JPH3: variants seen among roughly 807,000 people sequenced by gnomAD.
The protein encoded by JPH3 is junctophilin-3.
JPH3 carries 11 observed loss-of-function variants against 59.6 expected under a neutral mutation model. The observed-to-expected ratio is 0.18, with a 90% confidence interval of 0.12 to 0.31. The LOEUF (loss-of-function observed/expected upper bound fraction) is 0.31. JPH3 is among the 10% of genes least tolerant of loss of function. The pLI is 1.00. For synonymous variants in JPH3, 673 were observed against 483.6 expected (o/e 1.39, Z -5.14); for missense variants, 1,202 against 1,105.7 (o/e 1.09, Z -1.24).
At chr16:87,624,701 G>A (rs975733340) in intron 1 of JPH3, among the ~76,000 whole-genome samples, 2 of 152,234 alleles carry the variant, frequency 1.3e-5, no homozygotes, top group African/African-American at 4.8e-5. Flanking sequence ...TTTCCTCCTG[G>A]GTGGAGATTG....
At chr16:87,667,589 C>T (rs2032903591) in intron 2 of JPH3, among the ~76,000 whole-genome samples, 1 of 152,164 alleles carries the variant, frequency 6.6e-6, no homozygotes, top group Non-Finnish European at 1.5e-5. Flanking sequence ...CAGGGCCTGG[C>T]ATTGGGACAC....
At position 87,611,496 on chromosome 16, in the gene JPH3, C is replaced by T. The variant is rs2030731458; in HGVS notation, c.382+7968C>T. 6.6e-6 allele frequency among the ~76,000 whole-genome samples: 1 copy of T among 152,134 alleles called. No homozygotes were observed. Among genetic ancestry groups the T allele is most frequent in the Non-Finnish European group, 1.5e-5 (1 of 68,026 alleles). ...ACATTTTTTTCCTTCTCAACATGTGCCATCTCCCTCCTACCTATGAATGTC... is the reference window on the plus strand; with the variant it reads ...ACATTTTTTTCCTTCTCAACATGTGTCATCTCCCTCCTACCTATGAATGTC... On this transcript the variant is annotated intron_variant, in intron 1 of 4. Coordinates refer to ENST00000284262, the MANE Select transcript of JPH3 (RefSeq NM_020655.4). The surrounding 1 kb of genome is among the most constrained non-coding windows in gnomAD (Gnocchi z 4.5).
At position 87,689,667 on chromosome 16, in the gene JPH3, A is replaced by G; in HGVS notation, c.1307A>G (p.Lys436Arg). The change falls in exon 4 of 5, where the codon AAG becomes AGG. Residue 436 changes from lysine to arginine, a missense_variant. Lys to Arg is a conservative substitution (Grantham distance 26, BLOSUM62 2). Transcript: ENST00000284262. Reference protein sequence around the residue: ...RENGLEYQRPKRQTSCDDIEV... With the variant: ...RENGLEYQRPRRQTSCDDIEV... ...ACAGGGCTGGAGTACCAGAGGCCGA[A>G]GCGTCAGACCTCCTGTGACGACATC... 1.2e-6 allele frequency: 2 copies of G among 1,612,176 alleles called. No individual in the cohort carries two copies. Among genetic ancestry groups the G allele is most frequent in the Admixed American group, 3.3e-5 (2 of 59,950 alleles).
intron 4 of JPH3, chr16:87,693,693 A>T (rs1472840861): frequency 6.6e-6 from 1 of 152,364 alleles, no homozygotes; most frequent in African/African-American, 2.4e-5. Context: ...TTCTCAAGCC[A>T]GTGTCTCTAG....
chr16:87,688,914 AGCTCCGGAGAAGTCTCGGG>A (rs2033485204), intron 3 of JPH3, among the ~76,000 whole-genome samples: 2 of 152,144 alleles, frequency 1.3e-5, no homozygotes, highest in Non-Finnish European at 2.9e-5. Context: ...GGGCTCACGG[AGCTCCGGAGAAGTCTCGGG>A]GCTAGTCCTA....
chr16:87,638,139 C>A (rs1256442038), intron 1 of JPH3, among the ~76,000 whole-genome samples: 2 of 152,114 alleles, frequency 1.3e-5, no homozygotes, highest in East Asian at 3.9e-4. Flanking sequence ...AGGCTGGTCT[C>A]GAACTCCTGA....
rs114202008 is a variant in JPH3 at position 87,693,292 on chromosome 16, C to T, written c.2166+2766C>T. 2.2e-3 allele frequency among the ~76,000 whole-genome samples: 338 copies of T among 152,334 alleles called. 1 individual carries two copies. The highest frequency in any genetic ancestry group is 7.6e-3 in the African/African-American group (317 of 41,572). The stretch of plus-strand genomic sequence containing the variant: ...AGGCAGCACCTCACCCTCTGAGGAC[C>T]CTCCTCTCTGAGCTGCATCCCAAGG... On this transcript the variant is annotated intron_variant, in intron 4 of 4. Coordinates refer to ENST00000284262, the MANE Select transcript of JPH3 (RefSeq NM_020655.4).
chr16:87,642,649 C>T (rs2031992512), intron 1 of JPH3, among the ~76,000 whole-genome samples: 1 of 152,218 alleles, frequency 6.6e-6, no homozygotes, highest in Non-Finnish European at 1.5e-5. Context: ...CACATCCACG[C>T]CGTTAGTGCC....
intron 2 of JPH3, among the ~76,000 whole-genome samples, chr16:87,658,774 C>T (rs983648525): frequency 2.0e-5 from 3 of 152,248 alleles, no homozygotes; most frequent in Non-Finnish European, 2.9e-5. Context: ...AGCCACCCCT[C>T]ACCTGGGGCC....
chr16:87,671,897 A>T (rs1401607028), intron 2 of JPH3, among the ~76,000 whole-genome samples: 2 of 152,154 alleles, frequency 1.3e-5, no homozygotes, highest in Non-Finnish European at 2.9e-5. Flanking sequence ...GCGAACTGGG[A>T]GATTGTTCAT....
intron 1 of JPH3, among the ~76,000 whole-genome samples, chr16:87,642,948 T>C (rs1258148290): frequency 6.6e-6 from 1 of 152,212 alleles, no homozygotes; most frequent in Non-Finnish European, 1.5e-5. Context: ...AATTCAGTGG[T>C]ATTAATTACC....
chr16:87,668,836 G>A (rs1271400080), intron 2 of JPH3, among the ~76,000 whole-genome samples: 3 of 152,144 alleles, frequency 2.0e-5, no homozygotes, highest in Admixed American at 1.3e-4. Context: ...GGATGTCCCT[G>A]TGGAGCCCTA....
Position 87,644,422 on chromosome 16 carries a change from C to G in JPH3, c.547C>G (p.Pro183Ala), listed in dbSNP as rs751939871. 4.2e-5 allele frequency: 68 copies of G among 1,611,898 alleles called. No homozygotes were observed. Among genetic ancestry groups the G allele is most frequent in the Non-Finnish European group, 5.3e-5 (63 of 1,179,366 alleles). ...CACGGCGCTGCATCCCGACGCCTCT[C>G]CGGCGGTGGCCGGCAGCCCGGCCGT... ...NGTALHPDAS[P>A]AVAGSPAVSR... Residue 183 changes from proline to alanine, a missense_variant, in exon 2 of 5, where the codon CCG (proline) becomes GCG (alanine). Transcript: ENST00000284262.
chr16:87,608,367 A>G (rs1174964340), intron 1 of JPH3, among the ~76,000 whole-genome samples: 2 of 152,242 alleles, frequency 1.3e-5, no homozygotes, highest in East Asian at 3.8e-4. Context: ...TTAGATGACA[A>G]AAAGACTTGT....
At chr16:87,640,026 C>T (rs1029302748) in intron 1 of JPH3, among the ~76,000 whole-genome samples, 1 of 152,166 alleles carries the variant, frequency 6.6e-6, no homozygotes, top group Admixed American at 6.5e-5. Context: ...CTCCACTTTG[C>T]GGGGGCAGCC....
intron 2 of JPH3, among the ~76,000 whole-genome samples, chr16:87,677,225 C>CACACACACACACACAA (rs1271128667): frequency 1.2e-5 from 1 of 81,642 alleles, no homozygotes; most frequent in African/African-American, 4.3e-5. Flanking sequence ...CACACACACA[C>CACACACACACACACAA]AAAAAAAAAA....
chr16:87,654,577 A>G (rs764686572), intron 2 of JPH3: 1 of 152,342 alleles, frequency 6.6e-6, no homozygotes, highest in African/African-American at 2.4e-5. Flanking sequence ...ACAATCTGCT[A>G]GACTCTGCTT....
chr16:87,664,661 G>A (rs1044077655), intron 2 of JPH3, among the ~76,000 whole-genome samples: 1 of 152,364 alleles, frequency 6.6e-6, no homozygotes, highest in East Asian at 1.9e-4. Flanking sequence ...TCCTCGGCGA[G>A]TGGAGGCTGG....
At chr16:87,661,920 G>A (rs752465853) in intron 2 of JPH3, among the ~76,000 whole-genome samples, 17 of 152,194 alleles carry the variant, frequency 1.1e-4, no homozygotes, top group Non-Finnish European at 2.1e-4. Context: ...ATCTGCTGAG[G>A]GGCACGTACG....
Sources: gnomAD v4.1 joint callset for allele counts (sites outside exome capture counted in the v4.1 genomes callset) on GRCh38, gnomAD v4.1.1 for gene constraint, Gnocchi (gnomAD v3.1) non-coding constraint, MANE v1.5 for transcripts, NCBI Gene and HGNC (gene_info 2026-07-23, HGNC 2026-07-21) for gene names.